UTS2R: variants seen among roughly 807,000 people sequenced by gnomAD.
The protein encoded by UTS2R is urotensin 2 receptor.
For synonymous variants in UTS2R, 335 were observed against 280.9 expected (o/e 1.19, Z -1.93); for missense variants, 653 against 562.2 (o/e 1.16, Z -1.63).
chr17:82,372,098 C>A (rs2052455543), intron 1 of UTS2R, among the ~76,000 whole-genome samples, 51 bp downstream of exon 1: 1 of 152,140 alleles, frequency 6.6e-6, no homozygotes, highest in African/African-American at 2.4e-5. Context: ...CGGGTCTGTG[C>A]CCTTCGGGGC....
At chr17:82,373,884 G>A (rs2052466404) in intron 2 of UTS2R, among the ~76,000 whole-genome samples, 1 of 152,264 alleles carries the variant, frequency 6.6e-6, no homozygotes, top group Admixed American at 6.5e-5. Context: ...ACAAGAAAGT[G>A]AGGCCTGGGG....
Position 82,375,134 on chromosome 17 carries a change from C to T in UTS2R, c.810C>T (p.Cys270=), listed in dbSNP as rs1403883028. The change falls in exon 3 of 3, where the codon TGC becomes TGT. Residue 270 remains cysteine, a synonymous_variant. Coordinates refer to ENST00000313135, the MANE Select transcript of UTS2R (RefSeq NM_018949.3). The part of the protein sequence containing the change: ...VLGIVLLFWA[C]FLPFWLWQLL... ...GCATCGTGCTGCTCTTCTGGGCCTGCTTCCTGCCCTTCTGGCTGTGGCAGC... is the reference window on the plus strand; with the variant it reads ...GCATCGTGCTGCTCTTCTGGGCCTGTTTCCTGCCCTTCTGGCTGTGGCAGC... 2 of 1,531,384 alleles carry T rather than the reference C, an allele frequency of 1.3e-6. No individual in the cohort carries two copies. The highest frequency in any genetic ancestry group is 4.0e-5 in the Admixed American group (2 of 49,554). The allele number at this position is 1,531,384 out of a possible 1,614,324, so 94.9% of individuals were successfully genotyped here. A position where few individuals can be genotyped will look rare whatever the true frequency, so the allele number is the denominator to read the frequency against.
Position 82,375,213 on chromosome 17 carries a change from A to T in UTS2R, c.889A>T (p.Asn297Tyr). Reference protein sequence around the residue: ...PLAPRTARIVNYLTTCLTYGN... With the variant: ...PLAPRTARIVYYLTTCLTYGN... ...GGCGCCGCGGACGGCGCGCATCGTC[A>T]ACTACCTGACCACCTGCCTCACCTA... The change falls in exon 3 of 3, where the codon AAC (asparagine) becomes TAC (tyrosine). Residue 297 changes from asparagine to tyrosine, a missense_variant. By Grantham distance (143) the Asn-to-Tyr change is moderately radical. Transcript: ENST00000313135. 1 of 1,574,108 alleles carries T rather than the reference A, an allele frequency of 6.4e-7. No homozygotes were observed. The highest frequency in any genetic ancestry group is 1.2e-5 in the South Asian group (1 of 85,582).
At position 82,374,728 on chromosome 17, in the gene UTS2R, A is replaced by G; in HGVS notation, c.404A>G (p.His135Arg). 1 of 1,612,530 alleles carries G rather than the reference A, an allele frequency of 6.2e-7. No individual in the cohort carries two copies. The highest frequency in any genetic ancestry group is 8.5e-7 in the Non-Finnish European group (1 of 1,179,904). ...VLFGLDFLTM[H>R]ASIFTLTVMS... The stretch of plus-strand genomic sequence containing the variant: ...TTCGGCCTGGACTTCCTGACCATGC[A>G]CGCCAGCATCTTCACGCTGACCGTC... Residue 135 changes from histidine to arginine, a missense_variant, in exon 3 of 3, where the codon CAC (histidine) becomes CGC (arginine). Physicochemically the swap from His to Arg is conservative, Grantham distance 29 (BLOSUM62 0). Coordinates refer to ENST00000313135, the MANE Select transcript of UTS2R (RefSeq NM_018949.3).
chr17:82,374,705 C>T lies in UTS2R; in HGVS notation c.381C>T (p.Phe127=), dbSNP rs769997568. The T allele has an allele frequency of 1.8e-5, 29 of 1,613,200 alleles. No homozygotes were observed. The highest frequency in any genetic ancestry group is 2.4e-5 in the Non-Finnish European group (28 of 1,179,914). ...GGGACGTGGGCTGCCGCGTGCTCTT[C>T]GGCCTGGACTTCCTGACCATGCACG... ...HFGDVGCRVL[F]GLDFLTMHAS... The change falls in exon 3 of 3, where the codon TTC becomes TTT. Residue 127 remains phenylalanine (F), a synonymous_variant. Transcript: ENST00000313135.
chr17:82,375,084 G>C lies in UTS2R; in HGVS notation c.760G>C (p.Ala254Pro). 1 of 1,407,254 alleles carries C rather than the reference G, an allele frequency of 7.1e-7. No homozygotes were observed. The highest frequency in any genetic ancestry group is 9.2e-7 in the Non-Finnish European group (1 of 1,088,328). The allele number at this position is 1,407,254 out of a possible 1,614,324, so 87.2% of individuals were successfully genotyped here. A position where few individuals can be genotyped will look rare whatever the true frequency, so the allele number is the denominator to read the frequency against. The change falls in exon 3 of 3, where the codon GCG becomes CCG. Residue 254 changes from alanine (A) to proline (P), a missense_variant. Physicochemically the swap from Ala to Pro is conservative, Grantham distance 27 (BLOSUM62 -1). Transcript: ENST00000313135. ...ASFKRARRPG[A>P]RALRLVLGIV... is the part of the protein sequence containing the mutation. ...CTTCAAGCGGGCCCGGCGGCCGGGGGCGCGCGCGCTGCGCCTGGTGCTGGG... is the reference window on the plus strand; with the variant it reads ...CTTCAAGCGGGCCCGGCGGCCGGGGCCGCGCGCGCTGCGCCTGGTGCTGGG...
intron 2 of UTS2R, among the ~76,000 whole-genome samples, chr17:82,373,655 T>A (rs1266641357): frequency 6.6e-6 from 1 of 152,238 alleles, no homozygotes; most frequent in African/African-American, 2.4e-5. Context: ...CTGACTGATT[T>A]AACCTTTCAC....
intron 2 of UTS2R, among the ~76,000 whole-genome samples, chr17:82,373,052 G>A (rs74001644): frequency 0.033 from 5,082 of 152,262 alleles, 95 homozygotes; most frequent in Non-Finnish European, 0.042. Context: ...GGAAGTCCCC[G>A]GTCACGGTTT....
chr17:82,374,849 G>C lies in UTS2R; in HGVS notation c.525G>C (p.Leu175=). The C allele has an allele frequency of 7.2e-7, 1 of 1,385,626 alleles. No homozygotes were observed. The highest frequency in any genetic ancestry group is 1.0e-6 in the Non-Finnish European group (1 of 1,003,970). 85.8% of individuals were successfully genotyped at this position (1,385,626 alleles called of 1,614,324 possible). Residue 175 remains leucine (L), a synonymous_variant, in exon 3 of 3, where the codon CTG becomes CTC. Coordinates refer to ENST00000313135, the MANE Select transcript of UTS2R (RefSeq NM_018949.3). ...YRKLLALGTW[L]LALLLTLPVM... ...AGCTGCTGGCGCTGGGCACCTGGCT[G>C]CTGGCGCTGCTGCTGACGCTGCCCG... is the stretch of plus-strand genomic sequence containing the variant.
rs41367349 is a variant in UTS2R at position 82,374,685 on chromosome 17, G to T, written c.361G>T (p.Val121Leu). Residue 121 changes from valine to leucine, a missense_variant, in exon 3 of 3, where the codon GTG (valine) becomes TTG (leucine). Physicochemically the swap from Val to Leu is conservative, Grantham distance 32. Transcript: ENST00000313135. ...CACCAAGGAGTGGCACTTCGGGGACGTGGGCTGCCGCGTGCTCTTCGGCCT... is the reference window on the plus strand; with the variant it reads ...CACCAAGGAGTGGCACTTCGGGGACTTGGGCTGCCGCGTGCTCTTCGGCCT... ...YVTKEWHFGD[V>L]GCRVLFGLDF... 2.5e-3 allele frequency: 4,112 copies of T among 1,613,358 alleles called. 95 individuals are homozygous for T. In the African/African-American group the frequency reaches 0.047, roughly 18 times the overall value.
intron 2 of UTS2R, among the ~76,000 whole-genome samples, chr17:82,373,051 C>G (rs533329044): frequency 6.6e-6 from 1 of 152,206 alleles, no homozygotes; most frequent in Non-Finnish European, 1.5e-5. Context: ...AGGAAGTCCC[C>G]GGTCACGGTT....
chr17:82,373,211 G>T lies in UTS2R; in HGVS notation c.-83+428G>T, dbSNP rs549194150. Among the ~76,000 whole-genome samples, 3 of 151,630 alleles carry T rather than the reference G, an allele frequency of 2.0e-5. No individual in the cohort carries two copies. The South Asian group carries it at 6.3e-4, about 32-fold the overall frequency. ...CACTTTGTTGCCCAGGCTGGAGTGC[G>T]GTGGCACAATCTCAATCTTGGCTCA... is the stretch of plus-strand genomic sequence containing the variant. On this transcript the variant is annotated intron_variant, in intron 2 of 2. Transcript: ENST00000313135.
intron 1 of UTS2R, among the ~76,000 whole-genome samples, 117 bp from the exon 2 acceptor site, chr17:82,372,481 C>T (rs2052458212): frequency 6.6e-6 from 1 of 152,220 alleles, no homozygotes; most frequent in Non-Finnish European, 1.5e-5. Flanking sequence ...CCAGCGCCCC[C>T]ACCTGTTGAC....
chr17:82,375,387 TC>T lies in UTS2R; in HGVS notation c.1064del (p.Ser355TrpfsTer97). 1 of 1,578,322 alleles carries T rather than the reference TC, an allele frequency of 6.3e-7. No homozygotes were observed. Among genetic ancestry groups the T allele is most frequent in the Non-Finnish European group, 8.6e-7 (1 of 1,169,362 alleles). ...LQPRARFQRC[S>X]GRSLSSCSPQ... ...GCCCCGCGCCCGCTTCCAGCGCTGT[TC>T]GGGCCGCTCCCTGTCTTCCTGCAGC... On this transcript the variant is annotated frameshift_variant, in exon 3 of 3. Coordinates refer to ENST00000313135, the MANE Select transcript of UTS2R (RefSeq NM_018949.3). LOFTEE classifies it low-confidence loss of function (END_TRUNC).
chr17:82,373,400 G>C (rs564892061), intron 2 of UTS2R, among the ~76,000 whole-genome samples: 2 of 152,226 alleles, frequency 1.3e-5, no homozygotes, highest in South Asian at 4.2e-4. Flanking sequence ...GACCTCAGGT[G>C]ATCCACTTGC....
rs2052453810 is a variant in UTS2R, at chr17:82,371,845, C to A, written c.-471C>A. ...GGGGGGCGCGGCTTTGGTGGCGGGA[C>A]TGGCGGGCGCCCCTGCCGTGTGCTC... On this transcript the variant is annotated 5_prime_UTR_variant, in exon 1 of 3. It adds an upstream start codon to the 5' untranslated region. Coordinates refer to ENST00000313135, the MANE Select transcript of UTS2R (RefSeq NM_018949.3). The surrounding 1 kb of genome is among the most constrained non-coding windows in gnomAD (Gnocchi z 6.3). Among the ~76,000 whole-genome samples the A allele has an allele frequency of 6.6e-6, 1 of 151,112 alleles. No homozygotes were observed.
Position 82,375,887 on chromosome 17 carries a change from C to A in UTS2R, c.*393C>A, listed in dbSNP as rs34918751. ...TGGCTTTGCCACTGGAACAATCAAC[C>A]CTGAGCTGGCTTCCGTGTCCTGCCT... On this transcript the variant is annotated 3_prime_UTR_variant, in exon 3 of 3. Transcript: ENST00000313135. 1.3e-5 allele frequency among the ~76,000 whole-genome samples: 2 copies of A among 152,384 alleles called. No homozygotes were observed. Among genetic ancestry groups the A allele is most frequent in the South Asian group, 4.1e-4 (2 of 4,830 alleles).
At position 82,375,806 on chromosome 17, in the gene UTS2R, C is replaced by G. The variant is rs994309943; in HGVS notation, c.*312C>G. ...CGGCTGCCGCCCCCGGGACCCTCCTCCTCTCAGCCAGCGGCCCTGTGACTC... is the reference window on the plus strand; with the variant it reads ...CGGCTGCCGCCCCCGGGACCCTCCTGCTCTCAGCCAGCGGCCCTGTGACTC... On this transcript the variant is annotated 3_prime_UTR_variant, in exon 3 of 3. Transcript: ENST00000313135. Among the ~76,000 whole-genome samples the G allele has an allele frequency of 6.6e-6, 1 of 152,198 alleles. No homozygotes were observed. Among genetic ancestry groups the G allele is most frequent in the South Asian group, 2.1e-4 (1 of 4,832 alleles).
intron 2 of UTS2R, among the ~76,000 whole-genome samples, chr17:82,373,699 C>T (rs2052465262): frequency 6.6e-6 from 1 of 152,220 alleles, no homozygotes; most frequent in Admixed American, 6.5e-5. Flanking sequence ...AATTCGTTTC[C>T]CTGTATGAGA....
Sources: gnomAD v4.1 joint callset for allele counts (sites outside exome capture counted in the v4.1 genomes callset) on GRCh38, gnomAD v4.1.1 for gene constraint, Gnocchi (gnomAD v3.1) non-coding constraint, MANE v1.5 for transcripts, NCBI Gene and HGNC (gene_info 2026-07-23, HGNC 2026-07-21) for gene names.